SDHA: variants seen among roughly 807,000 people sequenced by gnomAD.
The protein encoded by SDHA is succinate dehydrogenase [ubiquinone] flavoprotein subunit, mitochondrial.
A neutral mutation model predicts 78.4 loss-of-function variants in SDHA; 48 were observed. That is an observed-to-expected ratio of 0.61 (90% confidence interval 0.49 to 0.78). SDHA has a LOEUF of 0.78. Among genes scored for constraint, SDHA ranks in the 30% least tolerant of loss-of-function variants. The probability of loss-of-function intolerance (pLI) is 0.00; values close to 1 mark genes in which losing one functional copy is unlikely to be tolerated. For missense variants in SDHA, 680 were observed against 892.7 expected (o/e 0.76, Z 3.04); for synonymous variants, 326 against 353.9 (o/e 0.92, Z 0.88).
rs778649066 is a variant in SDHA at position 218,338 on chromosome 5, G to T, written c.-18G>T. ...TCTGCGCAGGGACTGGCGGGACTGC[G>T]CGGCGGCAACAGCAGACATGTCGGG... is the stretch of plus-strand genomic sequence containing the variant. On this transcript the variant is annotated 5_prime_UTR_variant, in exon 1 of 15. Transcript: ENST00000264932. 9.0e-6 allele frequency: 13 copies of T among 1,444,688 alleles called. No individual in the cohort carries two copies. The highest frequency in any genetic ancestry group is 8.0e-5 in the Admixed American group (3 of 37,580). The allele number at this position is 1,444,688 out of a possible 1,614,324, so 89.5% of individuals were successfully genotyped here.
At chr5:230,765 C>A in intron 6 of SDHA, 111 bp from the exon 7 acceptor site, 2 of 1,444,222 alleles carry the variant, frequency 1.4e-6, no homozygotes, top group Non-Finnish European at 1.9e-6. Flanking sequence ...TGTGTGTGCA[C>A]AGCACTGAGA....
the SDHA span, among the ~76,000 whole-genome samples, chr5:266,823 G>GCA: frequency 1.3e-5 from 2 of 152,160 alleles, no homozygotes; most frequent in African/African-American, 4.8e-5. Context: ...GGTGGCCGCT[G>GCA]TCTGTAAGAT....
the SDHA span, among the ~76,000 whole-genome samples, chr5:265,498 A>T: frequency 6.6e-5 from 10 of 152,228 alleles, no homozygotes; most frequent in Non-Finnish European, 1.3e-4. Context: ...ACTTGAGGGA[A>T]GATCAGCGAT....
chr5:245,396 G>C (rs58653859), intron 11 of SDHA, among the ~76,000 whole-genome samples: 36,644 of 152,020 alleles, frequency 0.24, 6,857 homozygotes, highest in African/African-American at 0.53. Flanking sequence ...TTTACAATTC[G>C]TGCAGTAAAC....
rs1436380085 is a variant in SDHA at position 241,108 on chromosome 5, C to T, written c.1551+632C>T. 3.9e-5 allele frequency among the ~76,000 whole-genome samples: 6 copies of T among 152,086 alleles called. No individual in the cohort carries two copies. The East Asian group carries it at 5.8e-4, about 15-fold the overall frequency. ...TGCACTTCTTTTCCACATAGAAGGTCGGCAGACTAGGGCAGAATTAGTGAC... is the reference window on the plus strand; with the variant it reads ...TGCACTTCTTTTCCACATAGAAGGTTGGCAGACTAGGGCAGAATTAGTGAC... On this transcript the variant is annotated intron_variant, in intron 11 of 14. Coordinates refer to ENST00000264932, the MANE Select transcript of SDHA (RefSeq NM_004168.4).
intron 6 of SDHA, among the ~76,000 whole-genome samples, chr5:230,458 C>G (rs1367728140): frequency 6.6e-6 from 1 of 152,056 alleles, no homozygotes; most frequent in African/African-American, 2.4e-5. Flanking sequence ...GAAACCCCAT[C>G]TCTACTAAAA....
chr5:235,004 T>G, intron 8 of SDHA, 140 bp from the exon 9 acceptor site: 2 of 815,216 alleles, frequency 2.5e-6, no homozygotes, highest in Non-Finnish European at 2.1e-6. Flanking sequence ...AAAGATTTGA[T>G]GAGAGGGTGA....
chr5:219,922 C>G (rs570002173), intron 1 of SDHA, among the ~76,000 whole-genome samples: 1 of 152,196 alleles, frequency 6.6e-6, no homozygotes, highest in Non-Finnish European at 1.5e-5. Flanking sequence ...ATGAAGTTAG[C>G]TTTTCCTACA....
intron 5 of SDHA, chr5:227,737 G>T: frequency 4.0e-6 from 1 of 252,380 alleles, no homozygotes; most frequent in Non-Finnish European, 7.8e-6. Flanking sequence ...AGCCACATGG[G>T]GCTGTTGCTA....
At chr5:232,865 C>T (rs772946562) in intron 7 of SDHA, among the ~76,000 whole-genome samples, 11 of 152,154 alleles carry the variant, frequency 7.2e-5, no homozygotes, top group Non-Finnish European at 1.3e-4. Context: ...CACAGACCGC[C>T]GGACTACCCA....
At position 225,659 on chromosome 5, in the gene SDHA, A is replaced by C; in HGVS notation, c.456+97A>C. On this transcript the variant is annotated intron_variant, in intron 4 of 14. Transcript: ENST00000264932. The stretch of plus-strand genomic sequence containing the variant: ...AGCAATTGAGGCGGATGTGGCAGCC[A>C]AAAGAATGGTGATGAGCAAAGTTCA... 2.6e-6 allele frequency: 4 copies of C among 1,551,184 alleles called. No homozygotes were observed. In the South Asian group the frequency reaches 3.4e-5, roughly 13 times the overall value.
intron 6 of SDHA, among the ~76,000 whole-genome samples, chr5:228,703 A>G (rs958613372): frequency 5.9e-5 from 9 of 152,224 alleles, no homozygotes; most frequent in Non-Finnish European, 1.0e-4. Flanking sequence ...CGGGTGGGTA[A>G]GTCCTTCTTC....
chr5:256,218 C>G (rs879761636), intron 14 of SDHA, 116 bp from the exon 15 acceptor site: 53 of 812,912 alleles, frequency 6.5e-5, no homozygotes, highest in South Asian at 6.2e-4. Flanking sequence ...CACTGAGAAT[C>G]TTAAAGTTCA....
intron 7 of SDHA, among the ~76,000 whole-genome samples, chr5:231,559 CAAAAAA>C (rs56152705): frequency 1.0e-5 from 1 of 99,188 alleles, no homozygotes; most frequent in African/African-American, 3.1e-5. Context: ...GACTCCGTCT[CAAAAAA>C]AAAAAAAAAA....
chr5:218,399 G>T lies in SDHA; in HGVS notation c.44G>T (p.Arg15Leu). Residue 15 changes from arginine to leucine, a missense_variant, in exon 1 of 15, where the codon CGC (arginine) becomes CTC (leucine). Transcript: ENST00000264932. ...RGLSRLLSAR[R>L]LALAKAWPTV... ...CTGTCGCGGCTGCTGAGCGCTCGGC[G>T]CCTGGCGCTGGCCAAGGCGGTGAGT... 6.9e-7 allele frequency: 1 copy of T among 1,446,162 alleles called. No homozygotes were observed. Among genetic ancestry groups the T allele is most frequent in the Non-Finnish European group, 9.0e-7 (1 of 1,109,108 alleles). 89.6% of individuals were successfully genotyped at this position (1,446,162 alleles called of 1,614,324 possible).
intron 9 of SDHA, chr5:235,547 A>G (rs1016058610): frequency 1.1e-5 from 7 of 619,306 alleles, no homozygotes; most frequent in African/African-American, 7.4e-5. Context: ...ATTGTCAGAG[A>G]TACATCATTT....
intron 11 of SDHA, among the ~76,000 whole-genome samples, chr5:246,217 A>C (rs1265471472): frequency 1.3e-5 from 2 of 152,204 alleles, no homozygotes. Flanking sequence ...AAATAAATAG[A>C]ATCAATGCAG....
chr5:225,152 C>A (rs6885693), intron 3 of SDHA, among the ~76,000 whole-genome samples: 33,960 of 152,038 alleles, frequency 0.22, 5,640 homozygotes, highest in African/African-American at 0.47. Context: ...ACTCACTGCT[C>A]CAGTCAGCCC....
chr5:229,194 C>T (rs9687745), intron 6 of SDHA, among the ~76,000 whole-genome samples: 36,570 of 152,062 alleles, frequency 0.24, 6,859 homozygotes, highest in African/African-American at 0.53. Flanking sequence ...ACAACTATTA[C>T]GGAAAACTCT....
Sources: gnomAD v4.1 joint callset for allele counts (sites outside exome capture counted in the v4.1 genomes callset) on GRCh38, gnomAD v4.1.1 for gene constraint, MANE v1.5 for transcripts, NCBI Gene and HGNC (gene_info 2026-07-23, HGNC 2026-07-21) for gene names.